Variants in THSD7B observed in about 807,000 individuals in gnomAD.
THSD7B encodes the protein thrombospondin type 1 domain containing 7B.
THSD7B carries 138 observed loss-of-function variants against 213.6 expected under a neutral mutation model. The observed-to-expected ratio is 0.65, with a 90% CI of 0.56 to 0.74. The LOEUF (loss-of-function observed/expected upper bound fraction) is 0.74, where lower values mean the gene tolerates loss of function less well. Among genes scored for constraint, THSD7B ranks in the 30% least tolerant of loss-of-function variants. The pLI, the probability that THSD7B is intolerant of heterozygous loss-of-function variation, is 0.00. For missense variants in THSD7B, 1,931 were observed against 1,991.5 expected (o/e 0.97, Z 0.58); for synonymous variants, 742 against 687.0 (o/e 1.08, Z -1.25).
At chr2:137,297,241 A>C (rs1003964992) in intron 12 of THSD7B, among the ~76,000 whole-genome samples, 8 of 149,712 alleles carry the variant, frequency 5.3e-5, no homozygotes, top group African/African-American at 2.0e-4. Flanking sequence ...ATATGATCGC[A>C]CCACTATTCT....
intron 1 of THSD7B, among the ~76,000 whole-genome samples, chr2:136,841,682 A>G (rs1266431966): frequency 6.6e-6 from 1 of 151,896 alleles, no homozygotes; most frequent in Non-Finnish European, 1.5e-5. Context: ...TCAGCGTATT[A>G]TAACACAAAA....
intron 13 of THSD7B, among the ~76,000 whole-genome samples, chr2:137,408,684 G>C (rs1686582812): frequency 2.0e-5 from 3 of 152,164 alleles, no homozygotes; most frequent in African/African-American, 7.2e-5. Flanking sequence ...TGTTGGTAAG[G>C]CTGCATTTCT....
At chr2:137,382,732 C>G (rs991771670) in intron 12 of THSD7B, among the ~76,000 whole-genome samples, 1 of 152,200 alleles carries the variant, frequency 6.6e-6, no homozygotes, top group African/African-American at 2.4e-5. Flanking sequence ...ACACTGAGTA[C>G]AAGCCCCTTA....
At chr2:137,138,914 T>C (rs1679525856) in intron 5 of THSD7B, among the ~76,000 whole-genome samples, 1 of 152,182 alleles carries the variant, frequency 6.6e-6, no homozygotes, top group Non-Finnish European at 1.5e-5. Flanking sequence ...AATATCTTAT[T>C]TACCTCCTTT....
chr2:136,867,187 T>A (rs902324863), intron 1 of THSD7B, among the ~76,000 whole-genome samples: 2 of 152,334 alleles, frequency 1.3e-5, no homozygotes, highest in Admixed American at 6.5e-5. Context: ...AATACATGTC[T>A]TTAACATGCT....
chr2:137,401,368 T>G (rs1686355842), intron 12 of THSD7B, among the ~76,000 whole-genome samples: 1 of 152,198 alleles, frequency 6.6e-6, no homozygotes, highest in African/African-American at 2.4e-5. Flanking sequence ...GCCTGCCTAC[T>G]TGCTATTTCT....
chr2:137,527,518 G>A lies in THSD7B; in HGVS notation c.3139-35703G>A, dbSNP rs189177884. ...TTTTAGCTGAACATTGTGGTTATTT[G>A]CTAGCATTGCTCCCTCCATTTTGAA... is the stretch of plus-strand genomic sequence containing the variant. On this transcript the variant is annotated intron_variant, in intron 15 of 27. Transcript: ENST00000409968. Among the ~76,000 whole-genome samples the A allele has an allele frequency of 3.3e-5, 5 of 152,152 alleles. No individual in the cohort carries two copies. The East Asian group carries it at 9.7e-4, about 30-fold the overall frequency.
chr2:136,828,979 C>T (rs577299112), intron 1 of THSD7B, among the ~76,000 whole-genome samples: 4 of 152,250 alleles, frequency 2.6e-5, no homozygotes, highest in African/African-American at 9.6e-5. Flanking sequence ...GCTGAATTAG[C>T]AAAATCCTAT....
intron 2 of THSD7B, among the ~76,000 whole-genome samples, chr2:137,045,027 C>G (rs936018422): frequency 2.0e-5 from 3 of 152,158 alleles, no homozygotes; most frequent in Non-Finnish European, 4.4e-5. Context: ...AAATTTAAGG[C>G]CTTTTCCAAC....
intron 20 of THSD7B, among the ~76,000 whole-genome samples, chr2:137,621,272 A>C (rs891776627): frequency 2.0e-5 from 3 of 152,204 alleles, no homozygotes; most frequent in Non-Finnish European, 4.4e-5. Flanking sequence ...AGCAGCATAC[A>C]TCTCTTACAT....
intron 25 of THSD7B, among the ~76,000 whole-genome samples, chr2:137,662,552 T>TAACA (rs990124626): frequency 1.3e-5 from 2 of 152,142 alleles, no homozygotes. Context: ...CTACCTACTC[T>TAACA]AACATTTAGT....
At chr2:136,935,486 GA>G (rs1426564737) in intron 2 of THSD7B, among the ~76,000 whole-genome samples, 1 of 152,094 alleles carries the variant, frequency 6.6e-6, no homozygotes, top group Non-Finnish European at 1.5e-5. Flanking sequence ...AAACTGGATG[GA>G]AGATTTGAAT....
chr2:136,833,458 G>C (rs1332032543), intron 1 of THSD7B, among the ~76,000 whole-genome samples: 2 of 79,188 alleles, frequency 2.5e-5, no homozygotes, highest in African/African-American at 4.8e-5. Context: ...GCAATTAACT[G>C]TTTGGTACTT....
At chr2:137,294,035 G>A (rs72975638) in intron 12 of THSD7B, among the ~76,000 whole-genome samples, 6 of 151,966 alleles carry the variant, frequency 3.9e-5, no homozygotes, top group Admixed American at 6.6e-5. Context: ...AAGGTCTGTC[G>A]TCCCTCTGCT....
intron 6 of THSD7B, among the ~76,000 whole-genome samples, chr2:137,162,535 C>T (rs113158114): frequency 6.6e-6 from 1 of 152,196 alleles, no homozygotes; most frequent in Non-Finnish European, 1.5e-5. Flanking sequence ...AAATGAGGTA[C>T]TGGTACTGCA....
chr2:137,563,299 A>C lies in THSD7B; in HGVS notation c.3217A>C (p.Asn1073His). Residue 1073 changes from asparagine to histidine, a missense_variant, in exon 16 of 28, where the codon AAC (asparagine) becomes CAC (histidine). Asn to His is a moderately conservative substitution (Grantham distance 68). Coordinates refer to ENST00000409968, the MANE Select transcript of THSD7B (RefSeq NM_001316349.2). ...AGAACACTGGTCTTCATGCAAAATCAACAATGAGCTGAGGTCCCTGCGCTG... is the reference window on the plus strand; with the variant it reads ...AGAACACTGGTCTTCATGCAAAATCCACAATGAGCTGAGGTCCCTGCGCTG... ...VVEHWSSCKI[N>H]NELRSLRCGG... 6.2e-7 allele frequency: 1 copy of C among 1,613,482 alleles called. No homozygotes were observed. The highest frequency in any genetic ancestry group is 2.2e-5 in the East Asian group (1 of 44,870).
intron 26 of THSD7B, among the ~76,000 whole-genome samples, chr2:137,667,348 GAAGAA>G (rs1174865381): frequency 6.6e-6 from 1 of 152,062 alleles, no homozygotes; most frequent in African/African-American, 2.4e-5. Context: ...TCAGAATTCA[GAAGAA>G]AAGTAAAACA....
At chr2:137,578,461 C>A (rs148750282) in intron 17 of THSD7B, among the ~76,000 whole-genome samples, 3 of 152,276 alleles carry the variant, frequency 2.0e-5, no homozygotes, top group South Asian at 2.1e-4. Flanking sequence ...AACAGTGATA[C>A]CTCTTCAAGC....
intron 4 of THSD7B, 121 bp from the exon 5 acceptor site, chr2:137,115,003 A>G (rs994579638): frequency 4.8e-6 from 5 of 1,040,842 alleles, no homozygotes; most frequent in African/African-American, 3.2e-5. Flanking sequence ...CTTTATCCAC[A>G]GGCAAAGATT....
Sources: allele counts gnomAD v4.1 joint callset (sites outside exome capture counted in the v4.1 genomes callset), GRCh38; gene constraint gnomAD v4.1.1; transcripts MANE v1.5; gene names NCBI Gene and HGNC (gene_info 2026-07-23, HGNC 2026-07-21).